The following ADGRG6 variants were observed in gnomAD, a reference collection of about 807,000 sequenced individuals.
ADGRG6 encodes the protein adhesion G protein-coupled receptor G6, also known as G-protein coupled receptor 126.
In ADGRG6, 84 loss-of-function variants were observed where a neutral mutation model predicts 142.4. That is an observed-to-expected ratio of 0.59 (90% confidence interval 0.49 to 0.71). The LOEUF (loss-of-function observed/expected upper bound fraction) is 0.71. ADGRG6 is among the 30% of genes least tolerant of loss of function. The pLI is 0.00. For synonymous variants in ADGRG6, 521 were observed against 520.5 expected, an observed-to-expected ratio of 1.00 and a Z score of -0.01; for missense variants, 1,367 against 1,466.6, an observed-to-expected ratio of 0.93 and a Z score of 1.11.
At chr6:142,345,724 T>C (rs972982) in intron 2 of ADGRG6, among the ~76,000 whole-genome samples, 66,035 of 151,994 alleles carry the variant, frequency 0.43, 17,640 homozygotes, top group African/African-American at 0.76. Flanking sequence ...CATGGCTATT[T>C]GTCTGAGGCA....
chr6:142,321,312 C>CACAT (rs200417319), intron 2 of ADGRG6, among the ~76,000 whole-genome samples: 1 of 150,926 alleles, frequency 6.6e-6, no homozygotes, highest in Non-Finnish European at 1.5e-5. Context: ...CACACACACA[C>CACAT]GTGTATATAC....
Position 142,438,342 on chromosome 6 carries a change from T to C in ADGRG6, c.3552T>C (p.Tyr1184=). ...AATCTAAATCCAGCTCTACCACCTA[T>C]TTCAAAAGGAATAGCCACACAGGTG... ...TSKSKSSSTT[Y]FKRNSHTDSA... The change falls in exon 24 of 25, where the codon TAT becomes TAC. Residue 1184 remains tyrosine, a synonymous_variant. Coordinates refer to ENST00000367609, the MANE Select transcript of ADGRG6 (RefSeq NM_198569.3). 2 of 1,608,914 alleles carry C rather than the reference T, an allele frequency of 1.2e-6. No homozygotes were observed. The highest frequency in any genetic ancestry group is 1.7e-6 in the Non-Finnish European group (2 of 1,177,592).
At chr6:142,423,454 A>C (rs1776765357) in intron 22 of ADGRG6, among the ~76,000 whole-genome samples, 1 of 151,762 alleles carries the variant, frequency 6.6e-6, no homozygotes, top group Non-Finnish European at 1.5e-5. Context: ...TGTTTTTCTC[A>C]GGTTTGTCAA....
At chr6:142,348,789 T>G (rs1780026276) in intron 2 of ADGRG6, among the ~76,000 whole-genome samples, 4 of 152,234 alleles carry the variant, frequency 2.6e-5, no homozygotes. Flanking sequence ...TTTAGGCTTA[T>G]CTGGAAAGTT....
intron 2 of ADGRG6, among the ~76,000 whole-genome samples, chr6:142,365,708 C>A (rs188052152): frequency 8.2e-4 from 124 of 152,006 alleles, no homozygotes; most frequent in Non-Finnish European, 1.5e-3. Flanking sequence ...AGGAGGAGGG[C>A]AAGTTAAAAA....
chr6:142,354,704 G>C (rs545350001), intron 2 of ADGRG6, among the ~76,000 whole-genome samples: 1 of 152,310 alleles, frequency 6.6e-6, no homozygotes, highest in African/African-American at 2.4e-5. Context: ...CAGAAAAAAT[G>C]TTTTTGACAA....
chr6:142,378,409 A>G (rs1781599786), intron 4 of ADGRG6, among the ~76,000 whole-genome samples: 1 of 152,154 alleles, frequency 6.6e-6, no homozygotes. Flanking sequence ...AGAGGCTGAG[A>G]TTTCATTAGT....
At chr6:142,399,475 A>G (rs1450754589) in intron 10 of ADGRG6, among the ~76,000 whole-genome samples, 1 of 152,136 alleles carries the variant, frequency 6.6e-6, no homozygotes, top group African/African-American at 2.4e-5. Context: ...AGTCTTCACA[A>G]AGAAGGAGTC....
At chr6:142,419,683 G>A in intron 21 of ADGRG6, 138 bp from the exon 22 acceptor site, 1 of 627,010 alleles carries the variant, frequency 1.6e-6, no homozygotes, top group South Asian at 2.1e-5. Flanking sequence ...AAGAAACTGA[G>A]GTCCAAGGAA....
rs753663415 is a variant in ADGRG6 at position 142,390,275 on chromosome 6, A to G, written c.1240A>G (p.Ile414Val). Residue 414 changes from isoleucine (I) to valine (V), a missense_variant, in exon 7 of 25, where the codon ATA becomes GTA. This residue lies in a region of ADGRG6 where 737 missense variants were observed against 746.5 expected (regional missense o/e 0.99). Coordinates refer to ENST00000367609, the MANE Select transcript of ADGRG6 (RefSeq NM_198569.3). Reference protein sequence around the residue: ...KQRNDGIIYRISVVIQNILRH... With the variant: ...KQRNDGIIYRVSVVIQNILRH... ...ATGGGCAGATGGAATTATCTATAGA[A>G]TATCCGTAGTGATTCAGAACATCCT... The G allele has an allele frequency of 1.3e-6, 2 of 1,585,774 alleles. No individual in the cohort carries two copies. The highest frequency in any genetic ancestry group is 2.2e-5 in the South Asian group (2 of 88,924).
intron 4 of ADGRG6, among the ~76,000 whole-genome samples, chr6:142,377,334 C>T (rs566106703): frequency 6.6e-6 from 1 of 152,328 alleles, no homozygotes; most frequent in East Asian, 1.9e-4. Context: ...CCCAGGTCCC[C>T]ACAGGAGCTG....
intron 2 of ADGRG6, among the ~76,000 whole-genome samples, chr6:142,352,819 A>T (rs540088210): frequency 6.6e-6 from 1 of 152,170 alleles, no homozygotes; most frequent in South Asian, 2.1e-4. Context: ...TTTTTAAAAA[A>T]CTTGTCTCTT....
chr6:142,341,443 T>TA (rs1045338804), intron 2 of ADGRG6, among the ~76,000 whole-genome samples: 3 of 118,564 alleles, frequency 2.5e-5, no homozygotes, highest in Non-Finnish European at 3.4e-5. Context: ...TATAATTATA[T>TA]ATATAGTATA....
rs769329398 is a variant in ADGRG6, at chr6:142,438,414, A to G, written c.3574+50A>G. ...TTAGTTCTCATCACATTTTCATTGCAAAAATTGGCATATCATGAAGATTGA... is the reference window on the plus strand; with the variant it reads ...TTAGTTCTCATCACATTTTCATTGCGAAAATTGGCATATCATGAAGATTGA... On this transcript the variant is annotated intron_variant, in intron 24 of 24. Transcript: ENST00000367609. The G allele has an allele frequency of 6.4e-6, 8 of 1,259,680 alleles. No homozygotes were observed. In the African/African-American group the frequency reaches 1.2e-4, roughly 19 times the overall value. 78.0% of individuals were successfully genotyped at this position (1,259,680 alleles called of 1,614,324 possible).
chr6:142,351,591 A>G (rs762035670), intron 2 of ADGRG6, among the ~76,000 whole-genome samples: 20 of 152,210 alleles, frequency 1.3e-4, no homozygotes, highest in Non-Finnish European at 2.5e-4. Flanking sequence ...ACCCAAAATT[A>G]TAAAAACCCT....
chr6:142,338,235 C>G (rs989324271), intron 2 of ADGRG6, among the ~76,000 whole-genome samples: 1 of 150,842 alleles, frequency 6.6e-6, no homozygotes, highest in African/African-American at 2.4e-5. Flanking sequence ...GTCTCGATCT[C>G]CTGACCTCGT....
At chr6:142,399,454 T>C (rs1170091994) in intron 10 of ADGRG6, among the ~76,000 whole-genome samples, 1 of 152,142 alleles carries the variant, frequency 6.6e-6, no homozygotes, top group Non-Finnish European at 1.5e-5. Flanking sequence ...TGCTACCCTT[T>C]CACGTATAGG....
Position 142,415,896 on chromosome 6 carries a change from T to C in ADGRG6, c.2770T>C (p.Phe924Leu). The C allele has an allele frequency of 4.3e-6, 7 of 1,613,578 alleles. No homozygotes were observed. Among genetic ancestry groups the C allele is most frequent in the Non-Finnish European group, 5.9e-6 (7 of 1,179,570 alleles). Residue 924 changes from phenylalanine (F) to leucine (L), a missense_variant, in exon 20 of 25, where the codon TTC becomes CTC. Coordinates refer to ENST00000367609, the MANE Select transcript of ADGRG6 (RefSeq NM_198569.3). Reference protein sequence around the residue: ...LFLLDGWITSFNVDGLCIAVA... With the variant: ...LFLLDGWITSLNVDGLCIAVA... Reference sequence around the variant, plus strand: ...CCTCCTAGATGGCTGGATCACCTCCTTCAATGTGGATGGACTTTGCATTGC... The same window carrying C: ...CCTCCTAGATGGCTGGATCACCTCCCTCAATGTGGATGGACTTTGCATTGC...
intron 22 of ADGRG6, 79 bp from the exon 23 acceptor site, chr6:142,437,355 A>G (rs978369113): frequency 1.4e-6 from 1 of 690,686 alleles, no homozygotes; most frequent in Admixed American, 2.5e-5. Context: ...TAAAATTAAA[A>G]TGAATCCATG....
Sources: allele counts gnomAD v4.1 joint callset (sites outside exome capture counted in the v4.1 genomes callset), GRCh38; gene constraint gnomAD v4.1.1; regional missense constraint gnomAD v4.1.1; transcripts MANE v1.5; gene names NCBI Gene and HGNC (gene_info 2026-07-23, HGNC 2026-07-21).